WNT9B: variants seen among roughly 807,000 people sequenced by gnomAD.
The protein encoded by WNT9B is Wnt family member 9B, also known as protein Wnt-9b.
A neutral mutation model predicts 30.2 loss-of-function variants in WNT9B; 12 were observed. That is an observed-to-expected ratio of 0.40 (90% CI 0.26 to 0.64). The LOEUF is 0.64. WNT9B is among the 30% of genes least tolerant of loss of function. WNT9B has a pLI of 0.42. For missense variants in WNT9B, 442 were observed against 485.2 expected (o/e 0.91, Z 0.84); for synonymous variants, 218 against 216.9 (o/e 1.01, Z -0.05).
intron 1 of WNT9B, among the ~76,000 whole-genome samples, chr17:46,852,101 C>G (rs887055528): frequency 6.6e-6 from 1 of 152,248 alleles, no homozygotes; most frequent in Non-Finnish European, 1.5e-5. Context: ...CCCTGTCTGC[C>G]GCCATCCTGG....
At position 46,878,180 on chromosome 17, in the gene WNT9B, T is replaced by A. The variant is rs1477649808; in HGVS notation, c.*1462T>A. ...GGGCCCGATGCCACCCAGGAGGAAGTGACTTCTTTCGGGAAGCCCTTGGCC... is the reference window on the plus strand; with the variant it reads ...GGGCCCGATGCCACCCAGGAGGAAGAGACTTCTTTCGGGAAGCCCTTGGCC... On this transcript the variant is annotated 3_prime_UTR_variant, in exon 4 of 4. Transcript: ENST00000290015. Among the ~76,000 whole-genome samples the A allele has an allele frequency of 6.6e-6, 1 of 152,240 alleles. No individual in the cohort carries two copies. Among genetic ancestry groups the A allele is most frequent in the Admixed American group, 6.5e-5 (1 of 15,288 alleles).
At chr17:46,873,094 ACACACACAC>A (rs2085281413) in intron 2 of WNT9B, among the ~76,000 whole-genome samples, 2 of 42,516 alleles carry the variant, frequency 4.7e-5, no homozygotes, top group African/African-American at 1.3e-4. Context: ...CTTCACACAC[ACACACACAC>A]ACACACACAC....
intron 2 of WNT9B, among the ~76,000 whole-genome samples, chr17:46,873,575 T>C (rs1282950798): frequency 6.6e-6 from 1 of 152,190 alleles, no homozygotes; most frequent in African/African-American, 2.4e-5. Flanking sequence ...ATGGAACTTC[T>C]AGCCTGGGCG....
chr17:46,849,492 C>T (rs544070997), upstream of WNT9B, among the ~76,000 whole-genome samples: 29 of 152,332 alleles, frequency 1.9e-4, no homozygotes, highest in African/African-American at 6.5e-4. Flanking sequence ...CCACCCCAGT[C>T]CATGGCTCTT....
intron 1 of WNT9B, among the ~76,000 whole-genome samples, chr17:46,835,655 C>A (rs1287677602): frequency 6.6e-6 from 1 of 152,258 alleles, no homozygotes; most frequent in Non-Finnish European, 1.5e-5. Flanking sequence ...CCTACAGTGG[C>A]CCTCAGCAGT....
chr17:46,846,677 G>A (rs1031755225), upstream of WNT9B, among the ~76,000 whole-genome samples: 1 of 152,242 alleles, frequency 6.6e-6, no homozygotes, highest in Admixed American at 6.5e-5. Context: ...TGAACTCAAA[G>A]ATGCTGCTGG....
At chr17:46,839,107 AC>A (rs1384309204) in intron 1 of WNT9B, among the ~76,000 whole-genome samples, 3 of 152,094 alleles carry the variant, frequency 2.0e-5, no homozygotes, top group Non-Finnish European at 2.9e-5. Context: ...CGAACTCCTG[AC>A]CTCAGGAGTT....
downstream of WNT9B, among the ~76,000 whole-genome samples, chr17:46,884,559 T>C (rs980398215): frequency 2.6e-5 from 4 of 152,230 alleles, no homozygotes; most frequent in African/African-American, 9.6e-5. Context: ...GTAAATGAAG[T>C]TGCTGCTCTG....
chr17:46,862,071 G>A (rs2085047533), intron 1 of WNT9B, among the ~76,000 whole-genome samples: 3 of 151,116 alleles, frequency 2.0e-5, no homozygotes, highest in Admixed American at 6.6e-5. Flanking sequence ...GCTGAGGCAA[G>A]AGAATTGCTT....
intron 1 of WNT9B, among the ~76,000 whole-genome samples, chr17:46,840,056 CTCTTTCCTT>C (rs2084694165): frequency 1.5e-5 from 2 of 135,650 alleles, no homozygotes; most frequent in Non-Finnish European, 3.2e-5. Flanking sequence ...TTCTCTCTCT[CTCTTTCCTT>C]TCTTTCCTTC....
chr17:46,839,421 C>T (rs913581713), intron 1 of WNT9B, among the ~76,000 whole-genome samples: 8 of 152,178 alleles, frequency 5.3e-5, no homozygotes, highest in African/African-American at 1.4e-4. Context: ...ACACTTGCAT[C>T]AGGTTGTATG....
intron 1 of WNT9B, among the ~76,000 whole-genome samples, chr17:46,840,523 C>A (rs1052547621): frequency 6.6e-6 from 1 of 152,110 alleles, no homozygotes; most frequent in African/African-American, 2.4e-5. Flanking sequence ...GTGTACATAC[C>A]CAGTAATGGG....
chr17:46,863,540 A>T (rs1424768385), intron 1 of WNT9B, among the ~76,000 whole-genome samples: 2 of 152,126 alleles, frequency 1.3e-5, no homozygotes, highest in African/African-American at 4.8e-5. Context: ...GGATGGTTAG[A>T]GGGGGATGGG....
intron 1 of WNT9B, among the ~76,000 whole-genome samples, chr17:46,835,943 C>T (rs1395586224): frequency 6.6e-6 from 1 of 152,192 alleles, no homozygotes; most frequent in Non-Finnish European, 1.5e-5. Context: ...TGGTGGGGCT[C>T]CTCAGAGGTG....
In WNT9B at chr17:46,866,666, A is replaced by C. The variant is rs570418776; in HGVS notation, c.78-5851A>C. Among the ~76,000 whole-genome samples, 180 of 152,180 alleles carry C rather than the reference A, an allele frequency of 1.2e-3. 1 individual carries two copies. Among genetic ancestry groups the C allele is most frequent in the African/African-American group, 4.1e-3 (170 of 41,514 alleles). On this transcript the variant is annotated intron_variant, in intron 1 of 3. Coordinates refer to ENST00000290015, the MANE Select transcript of WNT9B (RefSeq NM_003396.3). The stretch of plus-strand genomic sequence containing the variant: ...GCAGCACAAGGCTTTCCCGGTTCCC[A>C]GGCAGCTGCCTGTAGTTGGCATGGC...
In WNT9B at chr17:46,876,536, C is replaced by T. The variant is rs749481197; in HGVS notation, c.892C>T (p.Pro298Ser). ...PSFCRPSKYSPGTAGRVCSRE... is the reference protein window; with the variant it reads ...PSFCRPSKYSSGTAGRVCSRE... ...CTTCTGCCGGCCCAGCAAGTACTCACCTGGCACAGCAGGTAGGGTGTGCTC... is the reference window on the plus strand; with the variant it reads ...CTTCTGCCGGCCCAGCAAGTACTCATCTGGCACAGCAGGTAGGGTGTGCTC... Residue 298 changes from proline to serine, a missense_variant, in exon 4 of 4, where the codon CCT becomes TCT. Pro to Ser is a moderately conservative substitution (Grantham distance 74). Coordinates refer to ENST00000290015, the MANE Select transcript of WNT9B (RefSeq NM_003396.3). 4 of 1,613,682 alleles carry T rather than the reference C, an allele frequency of 2.5e-6. No individual in the cohort carries two copies. The highest frequency in any genetic ancestry group is 2.2e-5 in the East Asian group (1 of 44,884).
chr17:46,865,066 C>A (rs1053834292), intron 1 of WNT9B, among the ~76,000 whole-genome samples: 1 of 152,294 alleles, frequency 6.6e-6, no homozygotes, highest in East Asian at 1.9e-4. Flanking sequence ...CTTTGGGGAC[C>A]CTCCGCAGCC....
At chr17:46,873,814 A>G (rs2085296179) in intron 2 of WNT9B, among the ~76,000 whole-genome samples, 1 of 150,784 alleles carries the variant, frequency 6.6e-6, no homozygotes, top group African/African-American at 2.5e-5. Context: ...AAATGGTGAA[A>G]CCCCATCTCT....
Position 46,877,864 on chromosome 17 carries a change from C to T in WNT9B, c.*1146C>T, listed in dbSNP as rs946749269. 6.6e-6 allele frequency among the ~76,000 whole-genome samples: 1 copy of T among 152,200 alleles called. No individual in the cohort carries two copies. Among genetic ancestry groups the T allele is most frequent in the African/African-American group, 2.4e-5 (1 of 41,440 alleles). On this transcript the variant is annotated 3_prime_UTR_variant, in exon 4 of 4. Coordinates refer to ENST00000290015, the MANE Select transcript of WNT9B (RefSeq NM_003396.3). The stretch of plus-strand genomic sequence containing the variant: ...GTGCTTGAGTCCTTGCTAAGCCTGG[C>T]TCCTGGGTAGCCTCCTTCAGTTCCT...
Sources: allele counts gnomAD v4.1 joint callset (sites outside exome capture counted in the v4.1 genomes callset), GRCh38; gene constraint gnomAD v4.1.1; transcripts MANE v1.5; gene names NCBI Gene and HGNC (gene_info 2026-07-23, HGNC 2026-07-21).